NREP: variants seen among roughly 807,000 people sequenced by gnomAD.
NREP encodes the protein neuronal regeneration-related protein.
NREP carries 5 observed loss-of-function variants against 8.6 expected under a neutral mutation model. That is an observed-to-expected ratio of 0.58 (90% confidence interval 0.30 to 1.22). The LOEUF is 1.22. Ranked by LOEUF, NREP falls within the 50% of genes most tolerant of loss-of-function variation. The pLI is 0.07. For missense variants in NREP, 86 were observed against 82.5 expected, an observed-to-expected ratio of 1.04 and a Z score of -0.17; for synonymous variants, 27 against 28.0, an observed-to-expected ratio of 0.96 and a Z score of 0.11.
intron 2 of NREP, among the ~76,000 whole-genome samples, chr5:111,871,011 A>G (rs1292237261): frequency 6.6e-6 from 1 of 151,532 alleles, no homozygotes; most frequent in East Asian, 1.9e-4. Context: ...TAGGGCTGGC[A>G]TCTGTATTAG....
intron 2 of NREP, among the ~76,000 whole-genome samples, chr5:111,777,270 T>TA (rs1313221348): frequency 9.9e-5 from 15 of 152,090 alleles, no homozygotes; most frequent in African/African-American, 3.6e-4. Context: ...ATGGATGACT[T>TA]AGAGTATGAG....
chr5:111,757,624 C>A, upstream of NREP: 1 of 983,160 alleles, frequency 1.0e-6, no homozygotes. Flanking sequence ...CGCGCCCCGA[C>A]ACCCCGCACC....
chr5:111,748,926 G>A (rs1202705791), intron 2 of NREP, among the ~76,000 whole-genome samples: 1 of 152,108 alleles, frequency 6.6e-6, no homozygotes, highest in Non-Finnish European at 1.5e-5. Flanking sequence ...AGTATACAGA[G>A]GAACATAAGA....
Position 111,755,816 on chromosome 5 carries a change from T to C in NREP, c.-44A>G. 6.2e-7 allele frequency: 1 copy of C among 1,613,360 alleles called. No homozygotes were observed. Among genetic ancestry groups the C allele is most frequent in the Non-Finnish European group, 8.5e-7 (1 of 1,179,334 alleles). The stretch of plus-strand genomic sequence containing the variant: ...GGGCTTCTATTCTCCCTCTCTTCAG[T>C]CCAGGGAGACCAACCTGCAAAATAT... On this transcript the variant is annotated 5_prime_UTR_variant, in exon 2 of 4. Coordinates refer to ENST00000257435, the MANE Select transcript of NREP (RefSeq NM_004772.4).
chr5:111,769,924 C>T (rs1000152415), intron 2 of NREP, among the ~76,000 whole-genome samples: 4 of 152,252 alleles, frequency 2.6e-5, no homozygotes, highest in Middle Eastern at 3.4e-3. Flanking sequence ...CAGAGCCAAA[C>T]GCCAAACCAT....
At chr5:111,758,000 C>CTTT (rs1750843549), upstream of NREP, 1 of 985,460 alleles carries the variant, frequency 1.0e-6, no homozygotes, top group African/African-American at 1.7e-5. Flanking sequence ...AGCCGCCTTC[C>CTTT]TTTTATGTGC....
intron 2 of NREP, among the ~76,000 whole-genome samples, chr5:111,894,116 G>A (rs1754454317): frequency 2.0e-5 from 3 of 152,038 alleles, no homozygotes; most frequent in Admixed American, 2.0e-4. Flanking sequence ...CTACTCGGGA[G>A]GCTGAGGCAG....
At chr5:111,745,141 G>T (rs977156148) in intron 2 of NREP, among the ~76,000 whole-genome samples, 2 of 152,108 alleles carry the variant, frequency 1.3e-5, no homozygotes, top group Admixed American at 6.6e-5. Context: ...GTTACCACAA[G>T]GAAGAAATAA....
At chr5:111,803,354 A>T (rs539185115) in intron 2 of NREP, among the ~76,000 whole-genome samples, 1 of 152,354 alleles carries the variant, frequency 6.6e-6, no homozygotes, top group South Asian at 2.1e-4. Flanking sequence ...TGAGATTTCA[A>T]TAAATCTAGT....
intron 2 of NREP, among the ~76,000 whole-genome samples, chr5:111,855,964 C>T (rs1276396772): frequency 3.3e-5 from 5 of 152,172 alleles, no homozygotes; most frequent in African/African-American, 1.2e-4. Flanking sequence ...TTTGATGTTA[C>T]TAGAGAACAC....
intron 2 of NREP, among the ~76,000 whole-genome samples, chr5:111,948,438 A>G (rs1756051327): frequency 6.6e-6 from 1 of 152,142 alleles, no homozygotes; most frequent in Admixed American, 6.6e-5. Flanking sequence ...TGCCATACAT[A>G]TAAGAGAAAC....
chr5:111,976,797 T>G, exon 1 of NREP: 5 of 1,451,502 alleles, frequency 3.4e-6, no homozygotes, highest in Non-Finnish European at 4.7e-6. Context: ...AAGAAGCTTC[T>G]TGCCGGGAGT....
intron 2 of NREP, among the ~76,000 whole-genome samples, chr5:111,872,116 T>C (rs1322963762): frequency 6.6e-6 from 1 of 151,884 alleles, no homozygotes; most frequent in African/African-American, 2.4e-5. Context: ...ATAAATTTGC[T>C]CAGGTGATTA....
chr5:111,908,978 G>A (rs879335836), intron 2 of NREP, among the ~76,000 whole-genome samples: 5 of 151,952 alleles, frequency 3.3e-5, no homozygotes, highest in South Asian at 2.1e-4. Context: ...CTGATGATTC[G>A]TGATGTTGAG....
chr5:111,770,554 C>CT (rs34538408), intron 2 of NREP, among the ~76,000 whole-genome samples: 2,507 of 73,578 alleles, frequency 0.034, 422 homozygotes, highest in Non-Finnish European at 0.042. Context: ...GAATTATTTC[C>CT]TTTTTTTTTT....
At chr5:111,812,501 AATT>A in intron 2 of NREP, among the ~76,000 whole-genome samples, 1 of 152,306 alleles carries the variant, frequency 6.6e-6, no homozygotes, top group Admixed American at 6.5e-5. Flanking sequence ...ATTGCTTTGG[AATT>A]ATTATTAACA....
In NREP at chr5:111,883,499, C is replaced by T. The variant is rs559051501; in HGVS notation, c.135+91775G>A. On this transcript the variant is annotated intron_variant, in intron 2 of 3. Coordinates refer to the NREP transcript ENST00000395634. ...TAATAGACATCTACAGAACTCTCCA[C>T]CCCAAATCAACAGAATATACACTTT... Among the ~76,000 whole-genome samples, 855 of 152,314 alleles carry T rather than the reference C, an allele frequency of 5.6e-3. 2 individuals are homozygous for T. Among genetic ancestry groups the T allele is most frequent in the African/African-American group, 0.02 (820 of 41,560 alleles).
downstream of NREP, chr5:111,728,920 GAAAGAATACCACAGAGTGGGTCTT>G (rs563893852): frequency 3.4e-4 from 28 of 81,662 alleles, no homozygotes; most frequent in South Asian, 2.3e-3. Context: ...CAGGGAAAAA[GAAAGAATACCACAGAGTGGGTCTT>G]AAAGAATACC....
intron 2 of NREP, among the ~76,000 whole-genome samples, chr5:111,954,531 A>G (rs1756256085): frequency 6.6e-6 from 1 of 152,172 alleles, no homozygotes; most frequent in South Asian, 2.1e-4. Flanking sequence ...ATACCATTGA[A>G]GTAACTTGCA....
Sources: allele counts gnomAD v4.1 joint callset (sites outside exome capture counted in the v4.1 genomes callset), GRCh38; gene constraint gnomAD v4.1.1; transcripts MANE v1.5; gene names NCBI Gene and HGNC (gene_info 2026-07-23, HGNC 2026-07-21).